The following SIPA1L2 variants were observed in gnomAD, a reference collection of about 807,000 sequenced individuals.
SIPA1L2 encodes signal induced proliferation associated 1 like 2.
Under a neutral mutation model 163.9 loss-of-function variants are expected in SIPA1L2, and 56 were observed. The observed-to-expected ratio is 0.34, with a 90% CI of 0.28 to 0.43. The LOEUF is 0.43. Among genes scored for constraint, SIPA1L2 ranks in the 20% least tolerant of loss-of-function variants. SIPA1L2 has a pLI of 1.00. For missense variants in SIPA1L2, 1,974 were observed against 2,193.5 expected (o/e 0.90, Z 2.00); for synonymous variants, 877 against 865.7 (o/e 1.01, Z -0.23).
intron 2 of SIPA1L2, among the ~76,000 whole-genome samples, chr1:232,518,584 T>G (rs571046977): frequency 6.3e-4 from 96 of 152,286 alleles, no homozygotes; most frequent in African/African-American, 2.2e-3. Context: ...TCTCCAGGCT[T>G]GTGTCCCAGC....
intron 2 of SIPA1L2, among the ~76,000 whole-genome samples, chr1:232,517,973 G>C (rs1573016113): frequency 6.6e-6 from 1 of 152,104 alleles, no homozygotes; most frequent in East Asian, 1.9e-4. Context: ...CTTGAGCCCA[G>C]GAATTAGAGG....
intron 2 of SIPA1L2, among the ~76,000 whole-genome samples, chr1:232,530,217 C>T (rs971199703): frequency 1.3e-4 from 3 of 22,846 alleles, no homozygotes; most frequent in Admixed American, 2.7e-4. Flanking sequence ...CAGGTTCAAG[C>T]GATTCCCCCG....
At chr1:232,590,963 G>T (rs1169667930) in intron 1 of SIPA1L2, among the ~76,000 whole-genome samples, 1 of 152,176 alleles carries the variant, frequency 6.6e-6, no homozygotes, top group Non-Finnish European at 1.5e-5. Flanking sequence ...AAACAAAAGG[G>T]AATAAACCTT....
At position 232,571,618 on chromosome 1, in the gene SIPA1L2, G is replaced by T. The variant is rs990308007; in HGVS notation, c.-270+2556C>A. 3.9e-5 allele frequency among the ~76,000 whole-genome samples: 6 copies of T among 152,220 alleles called. No individual in the cohort carries two copies. The East Asian group carries it at 1.2e-3, about 29-fold the overall frequency. On this transcript the variant is annotated intron_variant, in intron 2 of 22. Transcript: ENST00000674635. ...TCTCATGTTGAAATGTGATCCCAGG[G>T]TTGGAGGTGGGGCCTAGTGAGAGAT...
chr1:232,564,962 A>G (rs1034399651), intron 2 of SIPA1L2, among the ~76,000 whole-genome samples: 12 of 152,180 alleles, frequency 7.9e-5, no homozygotes, highest in African/African-American at 2.9e-4. Flanking sequence ...GGGGCTTAAA[A>G]CCTAGATGAC....
intron 1 of SIPA1L2, among the ~76,000 whole-genome samples, chr1:232,619,012 T>C (rs143088447): frequency 4.9e-4 from 74 of 152,364 alleles, no homozygotes; most frequent in African/African-American, 1.7e-3. Context: ...TTCTCCTTAA[T>C]GTTGCTTTTG....
chr1:232,428,565 C>A lies in SIPA1L2; in HGVS notation c.4257-1G>T. The A allele has an allele frequency of 6.5e-7, 1 of 1,527,488 alleles. No homozygotes were observed. Among genetic ancestry groups the A allele is most frequent in the Non-Finnish European group, 8.8e-7 (1 of 1,140,292 alleles). The allele number at this position is 1,527,488 out of a possible 1,614,324, so 94.6% of individuals were successfully genotyped here. A position where few individuals can be genotyped will look rare whatever the true frequency, so the allele number is the denominator to read the frequency against. On this transcript the variant is annotated splice_acceptor_variant, in intron 16 of 22. Transcript: ENST00000674635. LOFTEE classifies it high-confidence loss of function. ...CATGACATCCATCTCACTATACATC[C>A]TGTTGAAAACAATCAGAATGGAAAT...
intron 5 of SIPA1L2, among the ~76,000 whole-genome samples, chr1:232,489,027 A>G (rs540651724): frequency 6.6e-6 from 1 of 152,352 alleles, no homozygotes; most frequent in African/African-American, 2.4e-5. Flanking sequence ...AAGAAGCCCT[A>G]AATGGTGGCA....
intron 1 of SIPA1L2, among the ~76,000 whole-genome samples, chr1:232,596,401 C>CAT (rs1313185111): frequency 6.6e-6 from 1 of 152,204 alleles, no homozygotes; most frequent in Non-Finnish European, 1.5e-5. Context: ...GCCACTGAGG[C>CAT]ATCGTCTGCT....
intron 15 of SIPA1L2, among the ~76,000 whole-genome samples, chr1:232,436,236 A>G (rs1662553511): frequency 6.6e-6 from 1 of 152,204 alleles, no homozygotes; most frequent in Non-Finnish European, 1.5e-5. Flanking sequence ...GAAGCGTACT[A>G]AGTGTTGTGG....
chr1:232,461,296 T>A, intron 9 of SIPA1L2, 135 bp from the exon 10 acceptor site: 1 of 1,095,428 alleles, frequency 9.1e-7, no homozygotes, highest in Non-Finnish European at 1.3e-6. Flanking sequence ...TCTCTCTGCC[T>A]TTTCCTCAAA....
At chr1:232,620,427 C>G (rs1662741254) in intron 1 of SIPA1L2, among the ~76,000 whole-genome samples, 1 of 152,182 alleles carries the variant, frequency 6.6e-6, no homozygotes, top group African/African-American at 2.4e-5. Flanking sequence ...ATTGGAATAA[C>G]AAAGAGCGTA....
rs548393147 is a variant in SIPA1L2 at position 232,452,139 on chromosome 1, C to T, written c.3096-6353G>A. 3.9e-5 allele frequency among the ~76,000 whole-genome samples: 6 copies of T among 151,914 alleles called. No individual in the cohort carries two copies. The East Asian group carries it at 9.8e-4, about 25-fold the overall frequency. ...TTACTTGTCCTTTTGCACTCACCAT[C>T]GTGGACTTCCTGGGATGGCTTAATC... is the stretch of plus-strand genomic sequence containing the variant. On this transcript the variant is annotated intron_variant, in intron 10 of 22. Transcript: ENST00000674635.
chr1:232,593,734 A>ACAC (rs1558291605), intron 1 of SIPA1L2, among the ~76,000 whole-genome samples: 41 of 148,086 alleles, frequency 2.8e-4, no homozygotes, highest in African/African-American at 1.0e-3. Context: ...CGCACACACA[A>ACAC]AAATAAATAA....
In SIPA1L2 at chr1:232,484,022, C is replaced by T. The variant is rs1314862284; in HGVS notation, c.1807-56G>A. ...CAAAGCATATCAGACAAGCTAACTT[C>T]CAGTAAAATTAAAACTACAGAAGCT... On this transcript the variant is annotated intron_variant, in intron 5 of 22. Transcript: ENST00000674635. 5 of 1,509,744 alleles carry T rather than the reference C, an allele frequency of 3.3e-6. No individual in the cohort carries two copies. In the African/African-American group the frequency reaches 5.6e-5, roughly 17 times the overall value. 93.5% of individuals were successfully genotyped at this position (1,509,744 alleles called of 1,614,324 possible).
rs1283786212 is a variant in SIPA1L2 at position 232,520,747 on chromosome 1, G to T, written c.-269-5139C>A. 3.9e-5 allele frequency among the ~76,000 whole-genome samples: 6 copies of T among 152,236 alleles called. No individual in the cohort carries two copies. The South Asian group carries it at 6.2e-4, about 16-fold the overall frequency. ...TAATACTAATATGGATAATAGGACA[G>T]GGAATAAAAGGAAGAACAAACTGAT... On this transcript the variant is annotated intron_variant, in intron 2 of 22. Coordinates refer to ENST00000674635, the MANE Select transcript of SIPA1L2 (RefSeq NM_020808.5).
chr1:232,507,177 T>C (rs1241281770), intron 3 of SIPA1L2, among the ~76,000 whole-genome samples: 1 of 23,076 alleles, frequency 4.3e-5, no homozygotes, highest in Non-Finnish European at 3.3e-4. Flanking sequence ...CGGTCTGTGA[T>C]TTTTTTTTTT....
chr1:232,564,904 T>G (rs1229094633), intron 2 of SIPA1L2, among the ~76,000 whole-genome samples: 2 of 151,728 alleles, frequency 1.3e-5, no homozygotes, highest in South Asian at 2.1e-4. Context: ...TGTCTCAGGG[T>G]GGGGGATGAG....
chr1:232,548,850 G>T (rs2103128854), intron 2 of SIPA1L2, among the ~76,000 whole-genome samples: 1 of 152,324 alleles, frequency 6.6e-6, no homozygotes, highest in Non-Finnish European at 1.5e-5. Context: ...AAGACATGAA[G>T]GGAGAGCGAG....
Sources: allele counts gnomAD v4.1 joint callset (sites outside exome capture counted in the v4.1 genomes callset), GRCh38; gene constraint gnomAD v4.1.1; transcripts MANE v1.5; gene names NCBI Gene and HGNC (gene_info 2026-07-23, HGNC 2026-07-21).